Variants in CORO2B observed in about 807,000 individuals in gnomAD.
CORO2B encodes the protein coronin 2B, also known as coronin-2B.
CORO2B carries 26 observed loss-of-function variants against 58.8 expected under a neutral mutation model. The ratio of observed to expected loss-of-function variants is 0.44; its 90% confidence interval spans 0.32 to 0.61. The LOEUF (loss-of-function observed/expected upper bound fraction) is 0.61, where lower values mean the gene tolerates loss of function less well. CORO2B is among the 20% of genes least tolerant of loss of function. The probability of loss-of-function intolerance (pLI) is 0.04; values close to 1 mark genes in which losing one functional copy is unlikely to be tolerated. For missense variants in CORO2B, 460 were observed against 645.1 expected, an observed-to-expected ratio of 0.71 and a Z score of 3.11; for synonymous variants, 242 against 253.8, an observed-to-expected ratio of 0.95 and a Z score of 0.44.
intron 2 of CORO2B, among the ~76,000 whole-genome samples, chr15:68,694,803 T>A (rs900335906): frequency 6.6e-6 from 1 of 152,058 alleles, no homozygotes; most frequent in Admixed American, 6.5e-5. Context: ...GGCTGGTCAC[T>A]CCAGTGGGTA....
intron 5 of CORO2B, among the ~76,000 whole-genome samples, chr15:68,713,567 G>C (rs1419062293): frequency 1.3e-5 from 2 of 152,190 alleles, no homozygotes; most frequent in Admixed American, 6.5e-5. Flanking sequence ...GATGCTCTAG[G>C]AGAAAACCCA....
the CORO2B span, among the ~76,000 whole-genome samples, chr15:68,561,062 G>T: frequency 6.6e-6 from 1 of 152,210 alleles, no homozygotes; most frequent in South Asian, 2.1e-4. Context: ...GGTTGTTGAG[G>T]GATTTATGTT....
the CORO2B span, among the ~76,000 whole-genome samples, chr15:68,550,095 G>C: frequency 2.6e-5 from 4 of 152,008 alleles, no homozygotes; most frequent in East Asian, 7.7e-4. Flanking sequence ...CCAAACCTGC[G>C]GAAGGTGGAA....
intron 2 of CORO2B, among the ~76,000 whole-genome samples, chr15:68,684,923 C>G (rs17278924): frequency 0.59 from 90,220 of 152,078 alleles, 29,659 homozygotes; most frequent in East Asian, 0.86. Flanking sequence ...TATCAACTTC[C>G]AGTCATAGAA....
At chr15:68,622,205 G>A (rs952387916) in intron 1 of CORO2B, among the ~76,000 whole-genome samples, 12 of 152,176 alleles carry the variant, frequency 7.9e-5, no homozygotes, top group Admixed American at 3.9e-4. Context: ...GTACATTCAC[G>A]ACAATTGTGG....
the CORO2B span, among the ~76,000 whole-genome samples, chr15:68,536,828 T>C: frequency 6.6e-6 from 1 of 152,166 alleles, no homozygotes; most frequent in Non-Finnish European, 1.5e-5. Context: ...TTCTGGAAAA[T>C]ATTTGTAAAT....
At chr15:68,566,970 C>A in the CORO2B span, among the ~76,000 whole-genome samples, 1 of 152,342 alleles carries the variant, frequency 6.6e-6, no homozygotes, top group Admixed American at 6.5e-5. Context: ...CTCAGACTGG[C>A]TGATCCCCAC....
At chr15:68,583,434 C>T (rs528222728) in intron 1 of CORO2B, among the ~76,000 whole-genome samples, 5 of 152,258 alleles carry the variant, frequency 3.3e-5, no homozygotes, top group African/African-American at 7.2e-5. Context: ...TCTTTCCACC[C>T]GGCTGCCCTG....
At chr15:68,672,393 C>T (rs1359350746) in intron 2 of CORO2B, among the ~76,000 whole-genome samples, 3 of 151,782 alleles carry the variant, frequency 2.0e-5, no homozygotes, top group Non-Finnish European at 4.4e-5. Flanking sequence ...GAGCCAAGTA[C>T]ATAGAATGTT....
the CORO2B span, among the ~76,000 whole-genome samples, chr15:68,562,094 C>T: frequency 6.6e-6 from 1 of 152,306 alleles, no homozygotes. Context: ...ATGATGTTGT[C>T]CTCCAGCCAC....
chr15:68,523,390 T>A, the CORO2B span, among the ~76,000 whole-genome samples: 1 of 151,632 alleles, frequency 6.6e-6, no homozygotes, highest in East Asian at 1.9e-4. Flanking sequence ...GAGATGGGGG[T>A]CTCCCTATGT....
At chr15:68,660,387 T>G (rs1901974942) in intron 2 of CORO2B, among the ~76,000 whole-genome samples, 1 of 152,206 alleles carries the variant, frequency 6.6e-6, no homozygotes, top group Non-Finnish European at 1.5e-5. Context: ...CATATCTTTT[T>G]TTTGGCAGGC....
chr15:68,686,514 A>G (rs368503992), intron 2 of CORO2B, among the ~76,000 whole-genome samples: 437 of 152,314 alleles, frequency 2.9e-3, no homozygotes, highest in African/African-American at 9.9e-3. Flanking sequence ...TCAGTGTCTC[A>G]TCCATAAAAT....
the CORO2B span, among the ~76,000 whole-genome samples, chr15:68,522,481 G>T: frequency 8.6e-5 from 13 of 151,610 alleles, no homozygotes; most frequent in Non-Finnish European, 1.8e-4. Context: ...ATGGAGTCTC[G>T]CTCTGTCATC....
chr15:68,663,094 A>C (rs1902066348), intron 2 of CORO2B, among the ~76,000 whole-genome samples: 1 of 152,222 alleles, frequency 6.6e-6, no homozygotes, highest in African/African-American at 2.4e-5. Flanking sequence ...CAAACAATTC[A>C]AACCCGTGTT....
chr15:68,597,634 A>T (rs936574887), intron 1 of CORO2B, among the ~76,000 whole-genome samples: 39 of 151,424 alleles, frequency 2.6e-4, no homozygotes, highest in African/African-American at 9.3e-4. Flanking sequence ...CATCAAAAAA[A>T]AAAAAATAAA....
chr15:68,673,930 T>C (rs1902488461), intron 2 of CORO2B, among the ~76,000 whole-genome samples: 1 of 150,748 alleles, frequency 6.6e-6, no homozygotes, highest in Admixed American at 6.6e-5. Context: ...TCCCAAGAGC[T>C]GACAAATAAA....
chr15:68,523,509 T>G, the CORO2B span, among the ~76,000 whole-genome samples: 1 of 152,170 alleles, frequency 6.6e-6, no homozygotes, highest in East Asian at 1.9e-4. Flanking sequence ...AAATTCCAAT[T>G]TTTGTCTCCC....
the CORO2B span, among the ~76,000 whole-genome samples, chr15:68,564,748 A>G: frequency 6.6e-6 from 1 of 152,220 alleles, no homozygotes; most frequent in African/African-American, 2.4e-5. Context: ...TTCTAAAGTA[A>G]ACGGTCAAAT....
Sources: allele counts gnomAD v4.1 joint callset (sites outside exome capture counted in the v4.1 genomes callset), GRCh38; gene constraint gnomAD v4.1.1; transcripts MANE v1.5; gene names NCBI Gene and HGNC (gene_info 2026-07-23, HGNC 2026-07-21).